TGFB1: variants seen among roughly 807,000 people sequenced by gnomAD.
The protein encoded by TGFB1 is transforming growth factor beta 1.
TGFB1 carries 19 observed loss-of-function variants against 43.8 expected under a neutral mutation model. That is an observed-to-expected ratio of 0.43 (90% CI 0.30 to 0.64). The LOEUF is 0.64. Among genes scored for constraint, TGFB1 ranks in the 30% least tolerant of loss-of-function variants. TGFB1 has a pLI of 0.11. For missense variants in TGFB1, 445 were observed against 529.8 expected (o/e 0.84, Z 1.57); for synonymous variants, 221 against 236.3 (o/e 0.94, Z 0.60).
intron 1 of TGFB1, among the ~76,000 whole-genome samples, chr19:41,350,117 A>G (rs2038166987): frequency 6.6e-6 from 1 of 151,902 alleles, no homozygotes; most frequent in African/African-American, 2.4e-5. Context: ...ATATGTTGAG[A>G]TCACAGGCAT....
rs373910726 is a variant in TGFB1 at position 41,331,163 on chromosome 19, C to T, written c.1062G>A (p.Pro354=). The change falls in exon 7 of 7, where the codon CCG becomes CCA. Residue 354 remains proline, a synonymous_variant. Transcript: ENST00000221930. ...GCTCCAGCGCCTGCGGCACGCAGCA[C>T]GGCGCCGCCGAGGCGCCCGGGTTAT... The part of the protein sequence containing the change: ...NQHNPGASAA[P]CCVPQALEPL... 9 of 1,558,026 alleles carry T rather than the reference C, an allele frequency of 5.8e-6. No homozygotes were observed. The highest frequency in any genetic ancestry group is 7.8e-6 in the Non-Finnish European group (9 of 1,153,846).
At chr19:41,347,436 A>G (rs1269208328) in intron 2 of TGFB1, among the ~76,000 whole-genome samples, 1 of 152,152 alleles carries the variant, frequency 6.6e-6, no homozygotes, top group East Asian at 1.9e-4. Flanking sequence ...CAGAGATTCC[A>G]ACTTTCAAGA....
At chr19:41,352,632 G>C in intron 1 of TGFB1, 58 bp downstream of exon 1, 2 of 1,590,256 alleles carry the variant, frequency 1.3e-6, no homozygotes, top group South Asian at 1.1e-5. Flanking sequence ...CCGTGGCCCC[G>C]GCACTCCGGC....
At chr19:41,335,235 G>A (rs1043727860) in intron 5 of TGFB1, among the ~76,000 whole-genome samples, 2 of 151,956 alleles carry the variant, frequency 1.3e-5, no homozygotes, top group African/African-American at 2.4e-5. Flanking sequence ...TGTATTTTTA[G>A]TAGAGGCTGG....
rs564698750 is a variant in TGFB1 at position 41,348,575 on chromosome 19, T to A, written c.356-120A>T. Reference sequence around the variant, plus strand: ...TGGGGTGGAGTCAGTCTCTGATACCTTTTATTTATTTATTTATTTATTTAT... The same window carrying A: ...TGGGGTGGAGTCAGTCTCTGATACCATTTATTTATTTATTTATTTATTTAT... On this transcript the variant is annotated intron_variant, in intron 1 of 6. Coordinates refer to ENST00000221930, the MANE Select transcript of TGFB1 (RefSeq NM_000660.7). The A allele has an allele frequency of 1.9e-4, 54 of 286,306 alleles. 1 individual carries two copies. The highest frequency in any genetic ancestry group is 1.1e-3 in the South Asian group (17 of 16,072). 17.7% of individuals were successfully genotyped at this position (286,306 alleles called of 1,614,324 possible).
intron 4 of TGFB1, 54 bp from the exon 5 acceptor site, chr19:41,342,084 GGATA>G (rs1268520707): frequency 1.1e-4 from 176 of 1,613,794 alleles, no homozygotes; most frequent in Non-Finnish European, 1.4e-4. Context: ...ACTCTCAGAG[GGATA>G]GATAAGTGGG....
intron 5 of TGFB1, among the ~76,000 whole-genome samples, chr19:41,339,125 A>G: frequency 7.1e-6 from 1 of 140,742 alleles, no homozygotes; most frequent in South Asian, 2.3e-4. Context: ...TTCAGGTTTG[A>G]TTTTTTTTTT....
chr19:41,337,467 G>T (rs918148686), intron 5 of TGFB1, among the ~76,000 whole-genome samples: 1 of 151,682 alleles, frequency 6.6e-6, no homozygotes, highest in Non-Finnish European at 1.5e-5. Flanking sequence ...AGTACAGACA[G>T]GGTTTCACCA....
At chr19:41,351,804 T>TGGGGGGGCTTGCTGCTC (rs61023216) in intron 1 of TGFB1, among the ~76,000 whole-genome samples, 1 of 151,414 alleles carries the variant, frequency 6.6e-6, no homozygotes, top group Non-Finnish European at 1.5e-5. Context: ...CTGCGGGGAA[T>TGGGGGGGCTTGCTGCTC]GCAGCGTGGA....
rs201833222 is a variant in TGFB1 at position 41,348,474 on chromosome 19, G to A, written c.356-19C>T. The A allele has an allele frequency of 2.7e-5, 43 of 1,610,860 alleles. No homozygotes were observed. The highest frequency in any genetic ancestry group is 3.6e-5 in the Non-Finnish European group (42 of 1,178,512). ...TAGATTTCTAGCAGGGAGAAATGAAGGGAGGCGATCAGGGGTTTGGCAGAG... is the reference window on the plus strand; with the variant it reads ...TAGATTTCTAGCAGGGAGAAATGAAAGGAGGCGATCAGGGGTTTGGCAGAG... On this transcript the variant is annotated intron_variant, in intron 1 of 6. Transcript: ENST00000221930.
At position 41,341,925 on chromosome 19, in the gene TGFB1, C is replaced by T. The variant is rs559265663; in HGVS notation, c.818G>A (p.Ser273Asn). 3 of 1,614,108 alleles carry T rather than the reference C, an allele frequency of 1.9e-6. No individual in the cohort carries two copies. Among genetic ancestry groups the T allele is most frequent in the East Asian group, 4.5e-5 (2 of 44,892 alleles). ...GTCCAGGGCTCGGCGGTGCCGGGAG[C>T]TTTGCAGATGCTGGGCCCTCTCCAG... ...TPLERAQHLQSSRHRRALDTN... is the reference protein window; with the variant it reads ...TPLERAQHLQNSRHRRALDTN... Residue 273 changes from serine to asparagine, a missense_variant, in exon 5 of 7, where the codon AGC becomes AAC. Ser to Asn is a conservative substitution (Grantham distance 46). Transcript: ENST00000221930.
chr19:41,347,827 C>CAA (rs58257608), intron 2 of TGFB1, among the ~76,000 whole-genome samples: 13 of 65,668 alleles, frequency 2.0e-4, no homozygotes, highest in Admixed American at 3.8e-4. Flanking sequence ...GACTCCATCT[C>CAA]AAAAAAAAAA....
At chr19:41,337,559 G>C (rs2038001572) in intron 5 of TGFB1, among the ~76,000 whole-genome samples, 1 of 152,038 alleles carries the variant, frequency 6.6e-6, no homozygotes. Context: ...TTACGGGTGT[G>C]AGCTACCATA....
Position 41,330,906 on chromosome 19 carries a change from A to G in TGFB1, c.*146T>C, listed in dbSNP as rs1051744180. The G allele has an allele frequency of 4.8e-5, 31 of 642,628 alleles. No homozygotes were observed. The highest frequency in any genetic ancestry group is 1.5e-4 in the Admixed American group (4 of 27,476). 39.8% of individuals were successfully genotyped at this position (642,628 alleles called of 1,614,324 possible). ...CAGGCAGGCGCCCAATGACACAGAG[A>G]TCCGCAGTCCTCTCTCCATCTTTAA... On this transcript the variant is annotated 3_prime_UTR_variant, in exon 7 of 7. Coordinates refer to ENST00000221930, the MANE Select transcript of TGFB1 (RefSeq NM_000660.7).
chr19:41,340,342 C>T (rs1339514871), intron 5 of TGFB1, among the ~76,000 whole-genome samples: 1 of 151,172 alleles, frequency 6.6e-6, no homozygotes, highest in East Asian at 1.9e-4. Context: ...CTGCAACCTC[C>T]ACCCCCGAGG....
At chr19:41,339,020 A>G (rs1230481348) in intron 5 of TGFB1, among the ~76,000 whole-genome samples, 1 of 151,784 alleles carries the variant, frequency 6.6e-6, no homozygotes, top group Admixed American at 6.6e-5. Flanking sequence ...TTGATGAAGA[A>G]ACTGGGTGAG....
rs2123098592 is a variant in TGFB1, at chr19:41,342,069, C to T, written c.713-39G>A. ...GGAGTCAGGGGATAGGGGACATACA[C>T]ACACACTCTCAGAGGGATAGATAAG... On this transcript the variant is annotated intron_variant, in intron 4 of 6. Coordinates refer to ENST00000221930, the MANE Select transcript of TGFB1 (RefSeq NM_000660.7). 2.5e-6 allele frequency: 4 copies of T among 1,614,112 alleles called. No homozygotes were observed. The South Asian group carries it at 4.4e-5, about 18-fold the overall frequency.
At position 41,352,867 on chromosome 19, in the gene TGFB1, C is replaced by T; in HGVS notation, c.178G>A (p.Ala60Thr). The change falls in exon 1 of 7, where the codon GCC becomes ACC. Residue 60 changes from alanine to threonine, a missense_variant. Physicochemically the swap from Ala to Thr is moderately conservative, Grantham distance 58 (BLOSUM62 0). Coordinates refer to ENST00000221930, the MANE Select transcript of TGFB1 (RefSeq NM_000660.7). Reference sequence around the variant, plus strand: ...ACCTCCCCCTGGCTCGGGGGGCTGGCGAGCCGCAGCTTGGACAGGATCTGG... The same window carrying T: ...ACCTCCCCCTGGCTCGGGGGGCTGGTGAGCCGCAGCTTGGACAGGATCTGG... ...RGQILSKLRLASPPSQGEVPP... is the reference protein window; with the variant it reads ...RGQILSKLRLTSPPSQGEVPP... 6.4e-7 allele frequency: 1 copy of T among 1,556,328 alleles called. No homozygotes were observed. The highest frequency in any genetic ancestry group is 8.7e-7 in the Non-Finnish European group (1 of 1,153,870).
At chr19:41,337,365 T>C (rs559138174) in intron 5 of TGFB1, among the ~76,000 whole-genome samples, 2 of 152,252 alleles carry the variant, frequency 1.3e-5, no homozygotes, top group South Asian at 2.1e-4. Context: ...GGTCTCGAAC[T>C]CCTGACCTCA....
Sources: gnomAD v4.1 joint callset for allele counts (sites outside exome capture counted in the v4.1 genomes callset) on GRCh38, gnomAD v4.1.1 for gene constraint, MANE v1.5 for transcripts, NCBI Gene and HGNC (gene_info 2026-07-23, HGNC 2026-07-21) for gene names.